The following NRXN3 variants were observed in gnomAD, a reference collection of about 807,000 sequenced individuals.
NRXN3 encodes the protein neurexin 3, also known as neurexin III.
NRXN3 carries 32 observed loss-of-function variants against 137.6 expected under a neutral mutation model. The ratio of observed to expected loss-of-function variants is 0.23; its 90% CI spans 0.18 to 0.31. The LOEUF (loss-of-function observed/expected upper bound fraction) is 0.31. Ranked by LOEUF, NRXN3 falls within the 10% of genes least tolerant of loss-of-function variation. The pLI is 1.00. For synonymous variants in NRXN3, 798 were observed against 784.5 expected, an observed-to-expected ratio of 1.02 and a Z score of -0.29; for missense variants, 1,574 against 2,062.5, an observed-to-expected ratio of 0.76 and a Z score of 4.59.
intron 4 of NRXN3, among the ~76,000 whole-genome samples, chr14:78,487,958 A>G (rs956710693): frequency 1.3e-5 from 2 of 152,110 alleles, no homozygotes. Flanking sequence ...GCCATAGTAA[A>G]ATAGCACAGG....
In NRXN3 at chr14:78,803,727, G is replaced by C; in HGVS notation, c.2152G>C (p.Ala718Pro). The part of the protein sequence containing the change: ...DVSFRFMSQR[A>P]YGLLVATTSR... ...GTCCTTCCGCTTCATGTCCCAGCGA[G>C]CTTATGGGCTGCTGGTGGCTACGAC... is the stretch of plus-strand genomic sequence containing the variant. Residue 718 changes from alanine (A) to proline (P), a missense_variant, in exon 9 of 21, where the codon GCT becomes CCT. Coordinates refer to ENST00000335750, the MANE Select transcript of NRXN3 (RefSeq NM_001330195.2). The C allele has an allele frequency of 6.2e-7, 1 of 1,614,108 alleles. No individual in the cohort carries two copies. Among genetic ancestry groups the C allele is most frequent in the Non-Finnish European group, 8.5e-7 (1 of 1,179,976 alleles).
chr14:78,964,987 C>T (rs2099414789), intron 11 of NRXN3, among the ~76,000 whole-genome samples: 1 of 152,154 alleles, frequency 6.6e-6, no homozygotes. Flanking sequence ...CGGGAGGTGC[C>T]TGGCTTGATC....
chr14:78,533,752 C>T (rs1416654821), intron 4 of NRXN3, among the ~76,000 whole-genome samples: 1 of 152,232 alleles, frequency 6.6e-6, no homozygotes, highest in East Asian at 1.9e-4. Flanking sequence ...CGCATTTCTG[C>T]ACTCACTTTC....
chr14:79,736,638 G>A (rs959076983), intron 19 of NRXN3, among the ~76,000 whole-genome samples: 1 of 152,154 alleles, frequency 6.6e-6, no homozygotes, highest in Non-Finnish European at 1.5e-5. Context: ...GTGGGACCAG[G>A]GGGCCATCGC....
intron 16 of NRXN3, among the ~76,000 whole-genome samples, chr14:79,489,974 G>A (rs530051385): frequency 4.1e-5 from 6 of 145,688 alleles, no homozygotes; most frequent in Non-Finnish European, 7.4e-5. Flanking sequence ...GGGAGGCAGA[G>A]CTTGCAGTGA....
intron 6 of NRXN3, among the ~76,000 whole-genome samples, chr14:78,682,059 G>T (rs1310301150): frequency 6.6e-6 from 1 of 152,030 alleles, no homozygotes; most frequent in Middle Eastern, 3.4e-3. Flanking sequence ...GTAGAGATGC[G>T]GTTTCACCAT....
At chr14:78,624,661 G>A (rs765447760) in intron 4 of NRXN3, among the ~76,000 whole-genome samples, 3 of 152,182 alleles carry the variant, frequency 2.0e-5, no homozygotes, top group African/African-American at 4.8e-5. Context: ...AGTCTAGGAT[G>A]GCAAGATAGA....
intron 15 of NRXN3, among the ~76,000 whole-genome samples, chr14:79,060,701 C>T (rs577013746): frequency 6.8e-4 from 104 of 152,250 alleles, no homozygotes; most frequent in South Asian, 1.2e-3. Context: ...TTCTCCGTGT[C>T]TCAGCTTCCT....
intron 8 of NRXN3, among the ~76,000 whole-genome samples, chr14:78,725,797 AT>A (rs1401881602): frequency 2.6e-5 from 4 of 152,232 alleles, no homozygotes; most frequent in Admixed American, 2.6e-4. Flanking sequence ...CCTGGACAAA[AT>A]TCCTAAATTG....
At chr14:78,967,184 G>GTTT (rs10603296) in intron 12 of NRXN3, 24 bp from the exon 13 acceptor site, 277 of 1,420,382 alleles carry the variant, frequency 2.0e-4, no homozygotes, top group South Asian at 4.5e-4. Context: ...TCCAATTATT[G>GTTT]TTTTTTTTTT....
At chr14:78,196,134 C>T (rs1055942193) in intron 1 of NRXN3, among the ~76,000 whole-genome samples, 1 of 152,222 alleles carries the variant, frequency 6.6e-6, no homozygotes, top group Non-Finnish European at 1.5e-5. Flanking sequence ...GTCACCCAGC[C>T]AGAAAGTGTG....
chr14:79,610,093 A>G lies in NRXN3; in HGVS notation c.3445-53685A>G, dbSNP rs956302121. On this transcript the variant is annotated intron_variant, in intron 16 of 20. Coordinates refer to ENST00000335750, the MANE Select transcript of NRXN3 (RefSeq NM_001330195.2). ...GTACATGTATCCCAGAACTTAAAGT[A>G]TAAAAATGAGAAAAAAAGATGCACA... 3.3e-4 allele frequency among the ~76,000 whole-genome samples: 51 copies of G among 152,328 alleles called. 1 individual carries two copies. The highest frequency in any genetic ancestry group is 1.2e-3 in the African/African-American group (48 of 41,568).
intron 15 of NRXN3, among the ~76,000 whole-genome samples, chr14:79,456,821 C>A (rs1031086561): frequency 6.6e-6 from 1 of 151,734 alleles, no homozygotes; most frequent in Admixed American, 6.6e-5. Context: ...AAAGGCACAA[C>A]TTCACAATAT....
At chr14:79,733,893 C>T (rs1376323959) in intron 19 of NRXN3, among the ~76,000 whole-genome samples, 1 of 152,106 alleles carries the variant, frequency 6.6e-6, no homozygotes, top group African/African-American at 2.4e-5. Flanking sequence ...CACTTGCCTG[C>T]TTGCTCTGAT....
At chr14:79,773,142 A>G (rs1239328435) in intron 19 of NRXN3, among the ~76,000 whole-genome samples, 28 of 152,242 alleles carry the variant, frequency 1.8e-4, no homozygotes, top group Middle Eastern at 6.8e-3. Context: ...GTGCTGGAGA[A>G]GATGTGGAGA....
At position 79,111,981 on chromosome 14, in the gene NRXN3, C is replaced by G. The variant is rs563178461; in HGVS notation, c.3262+123840C>G. Among the ~76,000 whole-genome samples, 57 of 152,220 alleles carry G rather than the reference C, an allele frequency of 3.7e-4. 1 individual carries two copies. The highest frequency in any genetic ancestry group is 1.3e-3 in the African/African-American group (56 of 41,550). On this transcript the variant is annotated intron_variant, in intron 15 of 20. Coordinates refer to ENST00000335750, the MANE Select transcript of NRXN3 (RefSeq NM_001330195.2). ...TATGTGCATGACTAAGTTAACTACT[C>G]AAAACTTTCAAAACCAGAAGCCAAA... is the stretch of plus-strand genomic sequence containing the variant.
chr14:79,521,907 C>A (rs1453479224), intron 16 of NRXN3, among the ~76,000 whole-genome samples: 1 of 152,070 alleles, frequency 6.6e-6, no homozygotes, highest in South Asian at 2.1e-4. Flanking sequence ...AAGGTAAATA[C>A]CATTTGTAAA....
rs377710865 is a variant in NRXN3, at chr14:79,193,060, C to T, written c.3262+204919C>T. 3.3e-5 allele frequency among the ~76,000 whole-genome samples: 5 copies of T among 151,956 alleles called. No individual in the cohort carries two copies. The South Asian group carries it at 6.2e-4, about 19-fold the overall frequency. ...CTGGGATTACAGGCGTGAGCCACCA[C>T]GCCTGGCTATGTACAATTCTTAAAA... On this transcript the variant is annotated intron_variant, in intron 15 of 20. Transcript: ENST00000335750.
chr14:79,257,854 A>T (rs2077009330), intron 15 of NRXN3, among the ~76,000 whole-genome samples: 1 of 152,022 alleles, frequency 6.6e-6, no homozygotes, highest in South Asian at 2.1e-4. Context: ...TATTTTCCTT[A>T]AGAAATTAAC....
Sources: gnomAD v4.1 joint callset for allele counts (sites outside exome capture counted in the v4.1 genomes callset) on GRCh38, gnomAD v4.1.1 for gene constraint, MANE v1.5 for transcripts, NCBI Gene and HGNC (gene_info 2026-07-23, HGNC 2026-07-21) for gene names.